TAPT1: variants seen among roughly 807,000 people sequenced by gnomAD.
The protein encoded by TAPT1 is transmembrane anterior posterior transformation protein 1 homolog.
Under a neutral mutation model 65.6 loss-of-function variants are expected in TAPT1, and 28 were observed. The ratio of observed to expected loss-of-function variants is 0.43; its 90% confidence interval spans 0.32 to 0.59. The LOEUF is 0.59. TAPT1 is among the 20% of genes least tolerant of loss of function. The pLI is 0.09. For missense variants in TAPT1, 563 were observed against 679.9 expected (o/e 0.83, Z 1.91); for synonymous variants, 278 against 245.2 (o/e 1.13, Z -1.25).
chr4:16,169,051 G>A (rs1747823161), intron 12 of TAPT1, among the ~76,000 whole-genome samples: 1 of 152,242 alleles, frequency 6.6e-6, no homozygotes, highest in Non-Finnish European at 1.5e-5. Flanking sequence ...TGATAAAGAA[G>A]GCATGGACAA....
upstream of TAPT1, chr4:16,227,271 GGT>G: frequency 2.2e-6 from 1 of 455,476 alleles, no homozygotes; most frequent in Non-Finnish European, 4.4e-6. Flanking sequence ...TCGGGACTGG[GGT>G]TAGGAGACAG....
At chr4:16,207,953 C>A (rs1249963820) in intron 2 of TAPT1, among the ~76,000 whole-genome samples, 1 of 152,086 alleles carries the variant, frequency 6.6e-6, no homozygotes, top group Non-Finnish European at 1.5e-5. Flanking sequence ...CACAGAATTA[C>A]AAGGTAAAGA....
At chr4:16,209,356 G>A (rs1479177731) in intron 2 of TAPT1, among the ~76,000 whole-genome samples, 1 of 152,162 alleles carries the variant, frequency 6.6e-6, no homozygotes, top group African/African-American at 2.4e-5. Flanking sequence ...CCTAAGCTAG[G>A]TGTGAGTCTT....
chr4:16,195,178 A>C (rs1477270074), intron 3 of TAPT1, among the ~76,000 whole-genome samples: 1 of 152,244 alleles, frequency 6.6e-6, no homozygotes, highest in Non-Finnish European at 1.5e-5. Flanking sequence ...AAATAAGTTT[A>C]CCTGGTTAAA....
At chr4:16,181,314 A>G (rs563352040) in intron 7 of TAPT1, among the ~76,000 whole-genome samples, 7 of 152,362 alleles carry the variant, frequency 4.6e-5, no homozygotes, top group African/African-American at 1.7e-4. Context: ...CTTCCCAAAC[A>G]TGTATAATAT....
Position 16,166,972 on chromosome 4 carries a change from T to C in TAPT1, c.1314-179A>G, listed in dbSNP as rs547733804. 16 of 476,918 alleles carry C rather than the reference T, an allele frequency of 3.4e-5. No homozygotes were observed. In the South Asian group the frequency reaches 5.7e-4, roughly 17 times the overall value. 29.5% of individuals were successfully genotyped at this position (476,918 alleles called of 1,614,324 possible). A position where few individuals can be genotyped will look rare whatever the true frequency, so the allele number is the denominator to read the frequency against. On this transcript the variant is annotated intron_variant, in intron 12 of 13. Transcript: ENST00000405303. ...AGGCCTCCTTGTCACAAAGAAAAAC[T>C]TCGGAATTCCTTAGTTCTCTTTTTT...
Position 16,186,820 on chromosome 4 carries a change from T to C in TAPT1, c.807A>G (p.Ser269=). ...TGATAGTAAGCAAAGACTTGTTGTG[T>C]GAGTTAAAAGCTACATTGAGAGTTG... The part of the protein sequence containing the change: ...QATTLNVAFN[S]HNKSLLTIMM... Residue 269 remains serine, a synonymous_variant, in exon 6 of 14, where the codon TCA becomes TCG. Transcript: ENST00000405303. The C allele has an allele frequency of 6.2e-7, 1 of 1,611,630 alleles. No individual in the cohort carries two copies. The highest frequency in any genetic ancestry group is 8.5e-7 in the Non-Finnish European group (1 of 1,178,084).
Position 16,179,627 on chromosome 4 carries a change from A to C in TAPT1, c.947T>G (p.Leu316Arg), listed in dbSNP as rs1173530398. Residue 316 changes from leucine to arginine, a missense_variant, in exon 8 of 14, where the codon CTT becomes CGT. This residue lies in a region of TAPT1 where 217 missense variants were observed against 317.5 expected (regional missense o/e 0.68). Coordinates refer to ENST00000405303, the MANE Select transcript of TAPT1 (RefSeq NM_153365.3). ...DIKERFTNYV[L>R]LLIVCLRNME... The stretch of plus-strand genomic sequence containing the variant: ...GTTTCTTAGACACACTATCAGTAAA[A>C]GCACATAATTTGTGAATCGTTCCTT... 1 of 1,541,338 alleles carries C rather than the reference A, an allele frequency of 6.5e-7. No homozygotes were observed. The highest frequency in any genetic ancestry group is 8.7e-7 in the Non-Finnish European group (1 of 1,143,838).
intron 13 of TAPT1, among the ~76,000 whole-genome samples, 171 bp from the exon 14 acceptor site, chr4:16,163,708 A>G (rs973213476): frequency 1.3e-5 from 2 of 152,246 alleles, no homozygotes; most frequent in Non-Finnish European, 2.9e-5. Flanking sequence ...TTATAATAAA[A>G]CTTAGAGGCT....
intron 13 of TAPT1, among the ~76,000 whole-genome samples, chr4:16,165,246 C>G (rs1187325237): frequency 6.6e-6 from 1 of 152,094 alleles, no homozygotes; most frequent in Admixed American, 6.6e-5. Context: ...TCCTCTATGA[C>G]CTTGCACACA....
chr4:16,209,060 T>C (rs932772148), intron 2 of TAPT1, among the ~76,000 whole-genome samples: 2 of 152,108 alleles, frequency 1.3e-5, no homozygotes, highest in Non-Finnish European at 2.9e-5. Flanking sequence ...GACAGCGTTT[T>C]GCCACATTGC....
intron 1 of TAPT1, among the ~76,000 whole-genome samples, chr4:16,225,406 T>G (rs747281014): frequency 6.6e-6 from 1 of 152,238 alleles, no homozygotes; most frequent in African/African-American, 2.4e-5. Context: ...TGGAAGAAAT[T>G]TAATGGAGTT....
At chr4:16,213,641 T>C in intron 2 of TAPT1, 127 bp downstream of exon 2, 2 of 810,508 alleles carry the variant, frequency 2.5e-6, no homozygotes, top group South Asian at 2.6e-5. Flanking sequence ...AGGAAATTTC[T>C]ACTCCCCCAA....
At chr4:16,213,958 C>T in intron 1 of TAPT1, 60 bp from the exon 2 acceptor site, 1 of 1,452,920 alleles carries the variant, frequency 6.9e-7, no homozygotes. Context: ...AACTTCCACG[C>T]TAGCTGGGGC....
chr4:16,225,640 G>A (rs981439189), intron 1 of TAPT1, among the ~76,000 whole-genome samples: 1 of 152,080 alleles, frequency 6.6e-6, no homozygotes, highest in South Asian at 2.1e-4. Context: ...ATTGAATGTA[G>A]GATTCATAAG....
chr4:16,213,034 G>A (rs553762585), intron 2 of TAPT1, among the ~76,000 whole-genome samples: 24 of 152,274 alleles, frequency 1.6e-4, no homozygotes, highest in Middle Eastern at 6.8e-3. Flanking sequence ...CTAAGAAGAC[G>A]ACTGGACTAT....
chr4:16,192,538 T>C (rs557274736), intron 3 of TAPT1, among the ~76,000 whole-genome samples: 11 of 152,276 alleles, frequency 7.2e-5, no homozygotes, highest in Admixed American at 5.2e-4. Flanking sequence ...GAGGTTAGAG[T>C]AAAAGGAGCT....
intron 8 of TAPT1, among the ~76,000 whole-genome samples, chr4:16,177,966 T>C (rs1167065448): frequency 2.0e-5 from 3 of 152,228 alleles, no homozygotes; most frequent in Admixed American, 1.3e-4. Context: ...AGATAATTTA[T>C]TAAAAGTCAC....
intron 3 of TAPT1, among the ~76,000 whole-genome samples, chr4:16,200,626 A>G (rs1749974475): frequency 1.3e-5 from 2 of 152,186 alleles, no homozygotes; most frequent in Non-Finnish European, 2.9e-5. Context: ...ACATCCAGCA[A>G]TATTAGTAAT....
Sources: gnomAD v4.1 joint callset for allele counts (sites outside exome capture counted in the v4.1 genomes callset) on GRCh38, gnomAD v4.1.1 for gene constraint, gnomAD v4.1.1 regional missense constraint, MANE v1.5 for transcripts, NCBI Gene and HGNC (gene_info 2026-07-23, HGNC 2026-07-21) for gene names.